The following KMO variants were observed in gnomAD, a reference collection of about 807,000 sequenced individuals.
The protein encoded by KMO is kynurenine 3-hydroxylase.
KMO carries 24 observed loss-of-function variants against 57.8 expected under a neutral mutation model. The ratio of observed to expected loss-of-function variants is 0.42; its 90% confidence interval spans 0.30 to 0.58. The LOEUF is 0.58. Among genes scored for constraint, KMO ranks in the 20% least tolerant of loss-of-function variants. KMO has a pLI of 0.22. For synonymous variants in KMO, 210 were observed against 193.6 expected (o/e 1.08, Z -0.70); for missense variants, 483 against 588.2 (o/e 0.82, Z 1.85).
At chr1:241,553,174 T>A (rs909342256) in intron 4 of KMO, among the ~76,000 whole-genome samples, 3 of 152,248 alleles carry the variant, frequency 2.0e-5, no homozygotes, top group Non-Finnish European at 4.4e-5. Context: ...TTGACTTGTT[T>A]ATTCTTATTT....
At chr1:241,535,959 TA>T (rs1393695160) in intron 1 of KMO, among the ~76,000 whole-genome samples, 1 of 152,232 alleles carries the variant, frequency 6.6e-6, no homozygotes, top group Non-Finnish European at 1.5e-5. Context: ...TTCGTAGATC[TA>T]AAGATTATTT....
At chr1:241,569,676 G>T (rs1452855794) in intron 10 of KMO, among the ~76,000 whole-genome samples, 1 of 152,002 alleles carries the variant, frequency 6.6e-6, no homozygotes, top group Non-Finnish European at 1.5e-5. Context: ...TATTTACCCA[G>T]CAGTGGGATT....
chr1:241,589,948 TAA>T lies in KMO; in HGVS notation c.1099-63_1099-62del, dbSNP rs1329139901. The T allele has an allele frequency of 9.0e-6, 11 of 1,217,640 alleles. No individual in the cohort carries two copies. The Admixed American group carries it at 1.4e-4, about 15-fold the overall frequency. 75.4% of individuals were successfully genotyped at this position (1,217,640 alleles called of 1,614,324 possible). On this transcript the variant is annotated intron_variant, in intron 12 of 14. Coordinates refer to ENST00000366559, the MANE Select transcript of KMO (RefSeq NM_003679.5). Reference sequence around the variant, plus strand: ...GATGAGTGGGAATGAAGAATAATACTAAGTCGCAGTGAGAAATAGCTGTATTT... The same window carrying T: ...GATGAGTGGGAATGAAGAATAATACTGTCGCAGTGAGAAATAGCTGTATTT...
intron 4 of KMO, among the ~76,000 whole-genome samples, chr1:241,552,422 C>G (rs1220260967): frequency 6.6e-6 from 1 of 152,108 alleles, no homozygotes; most frequent in Non-Finnish European, 1.5e-5. Flanking sequence ...GCCTCCTTGC[C>G]CTTTAAGAAC....
intron 14 of KMO, 80 bp downstream of exon 14, chr1:241,590,343 C>A (rs767991889): frequency 8.6e-7 from 1 of 1,165,856 alleles, no homozygotes; most frequent in South Asian, 1.3e-5. Flanking sequence ...TTGTTTCCAA[C>A]AAATACAGAA....
intron 4 of KMO, among the ~76,000 whole-genome samples, chr1:241,555,069 G>A (rs1190803115): frequency 2.0e-5 from 3 of 151,990 alleles, no homozygotes; most frequent in Non-Finnish European, 4.4e-5. Flanking sequence ...GTCCTATAAA[G>A]TCAGAAACAA....
chr1:241,557,224 G>A (rs1402399541), intron 5 of KMO, among the ~76,000 whole-genome samples: 8 of 152,324 alleles, frequency 5.3e-5, no homozygotes, highest in South Asian at 2.1e-4. Flanking sequence ...TGTGGTTTGC[G>A]TAGTTGATCC....
chr1:241,549,266 A>AAAGAAAGAAAGG (rs1348387681), intron 2 of KMO, among the ~76,000 whole-genome samples: 16,732 of 117,466 alleles, frequency 0.14, 2,782 homozygotes, highest in East Asian at 0.2. Flanking sequence ...AGAAAGAAAG[A>AAAGAAAGAAAGG]AAGGAAGGAA....
intron 10 of KMO, among the ~76,000 whole-genome samples, chr1:241,573,144 T>C (rs1662368276): frequency 6.6e-6 from 1 of 152,082 alleles, no homozygotes; most frequent in Admixed American, 6.6e-5. Context: ...TGTATTTTTG[T>C]ACAGTTTGTA....
chr1:241,590,184 C>A lies in KMO; in HGVS notation c.1201-20C>A. On this transcript the variant is annotated intron_variant, in intron 13 of 14. Transcript: ENST00000366559. ...AGCTGTTAAAGAATACACAAGAATA[C>A]TTTTTAAACTTCCCTGCAGGTCACT... The A allele has an allele frequency of 1.2e-6, 2 of 1,612,034 alleles. No homozygotes were observed. Among genetic ancestry groups the A allele is most frequent in the African/African-American group, 2.7e-5 (2 of 74,908 alleles).
intron 10 of KMO, among the ~76,000 whole-genome samples, chr1:241,578,067 G>A (rs1201154840): frequency 2.0e-5 from 3 of 152,130 alleles, no homozygotes; most frequent in African/African-American, 7.2e-5. Flanking sequence ...TCTTGTGCAA[G>A]CCTGAGCCTG....
chr1:241,561,346 A>T (rs1287996089), intron 6 of KMO, among the ~76,000 whole-genome samples: 1 of 152,100 alleles, frequency 6.6e-6, no homozygotes, highest in East Asian at 1.9e-4. Flanking sequence ...ACTTCTCCCA[A>T]ATCACATCCC....
chr1:241,537,900 T>C (rs180841553), intron 1 of KMO, among the ~76,000 whole-genome samples: 1 of 152,220 alleles, frequency 6.6e-6, no homozygotes, highest in East Asian at 1.9e-4. Flanking sequence ...CAATTCAAGA[T>C]GAGATTTGGG....
At chr1:241,572,769 A>G (rs950174745) in intron 10 of KMO, among the ~76,000 whole-genome samples, 1 of 152,068 alleles carries the variant, frequency 6.6e-6, no homozygotes, top group African/African-American at 2.4e-5. Context: ...TGTACCCAAT[A>G]TAGTTTTTTG....
intron 1 of KMO, among the ~76,000 whole-genome samples, chr1:241,536,740 T>A (rs1660767680): frequency 6.6e-6 from 1 of 152,196 alleles, no homozygotes; most frequent in South Asian, 2.1e-4. Flanking sequence ...ACTCTCCCTA[T>A]GTTTGACCCA....
Position 241,594,583 on chromosome 1 carries a change from T to C in KMO, c.*2430T>C. The C allele has an allele frequency of 6.2e-7, 1 of 1,614,148 alleles. No homozygotes were observed. The highest frequency in any genetic ancestry group is 8.5e-7 in the Non-Finnish European group (1 of 1,180,000). On this transcript the variant is annotated 3_prime_UTR_variant, in exon 15 of 15. Coordinates refer to ENST00000366559, the MANE Select transcript of KMO (RefSeq NM_003679.5). Reference sequence around the variant, plus strand: ...GGCCTGTCCCCATCTTTCTGTGACATCACAATGGGTCTGATCTGCATTTCA... The same window carrying C: ...GGCCTGTCCCCATCTTTCTGTGACACCACAATGGGTCTGATCTGCATTTCA...
chr1:241,543,365 C>T (rs565850050), intron 1 of KMO, among the ~76,000 whole-genome samples: 241 of 152,166 alleles, frequency 1.6e-3, no homozygotes, highest in South Asian at 4.8e-3. Flanking sequence ...TTGCATATGT[C>T]TATAGTTTAG....
intron 14 of KMO, 106 bp downstream of exon 14, chr1:241,590,369 C>T: frequency 1.1e-6 from 1 of 919,592 alleles, no homozygotes. Context: ...GGGACAGACA[C>T]CAACTGTTTG....
At chr1:241,575,396 G>A (rs958061900) in intron 10 of KMO, among the ~76,000 whole-genome samples, 12 of 152,020 alleles carry the variant, frequency 7.9e-5, no homozygotes, top group African/African-American at 2.9e-4. Context: ...TTTGATGTAG[G>A]CATTTAATGC....
Sources: gnomAD v4.1 joint callset for allele counts (sites outside exome capture counted in the v4.1 genomes callset) on GRCh38, gnomAD v4.1.1 for gene constraint, MANE v1.5 for transcripts, NCBI Gene and HGNC (gene_info 2026-07-23, HGNC 2026-07-21) for gene names.